Variants in PNLIPRP3 observed in about 807,000 individuals in gnomAD.
The protein encoded by PNLIPRP3 is pancreatic lipase-related protein 3.
PNLIPRP3 carries 58 observed loss-of-function variants against 52.8 expected under a neutral mutation model. The observed-to-expected ratio is 1.10, with a 90% CI of 0.89 to 1.37. PNLIPRP3 has a LOEUF of 1.37. PNLIPRP3 is among the 40% of genes most tolerant of loss of function. PNLIPRP3 has a pLI of 0.00. For missense variants in PNLIPRP3, 593 were observed against 561.6 expected, an observed-to-expected ratio of 1.06 and a Z score of -0.57; for synonymous variants, 192 against 185.0, an observed-to-expected ratio of 1.04 and a Z score of -0.31.
chr10:116,471,969 C>T (rs1846380830), intron 10 of PNLIPRP3, 90 bp downstream of exon 10: 1 of 716,320 alleles, frequency 1.4e-6, no homozygotes, highest in African/African-American at 1.8e-5. Context: ...TTAGTCTTCT[C>T]TTTTCCTACA....
chr10:116,440,003 C>T (rs2133116370), intron 2 of PNLIPRP3: 2 of 774,814 alleles, frequency 2.6e-6, no homozygotes, highest in East Asian at 4.9e-5. Context: ...AAGGCATAAG[C>T]AGACATCTTG....
chr10:116,466,181 T>A lies in PNLIPRP3; in HGVS notation c.927+13T>A. The A allele has an allele frequency of 6.5e-7, 1 of 1,529,478 alleles. No individual in the cohort carries two copies. The highest frequency in any genetic ancestry group is 9.0e-7 in the Non-Finnish European group (1 of 1,109,336). 94.7% of individuals were successfully genotyped at this position (1,529,478 alleles called of 1,614,324 possible). A position where few individuals can be genotyped will look rare whatever the true frequency, so the allele number is the denominator to read the frequency against. On this transcript the variant is annotated intron_variant, in intron 8 of 11. Transcript: ENST00000369230. ...ATCTTTTAAAGCAGTAAGTAAATCA[T>A]CTTACTTGGAATTTAATTATAAAGT...
chr10:116,429,354 C>G (rs542387733), intron 1 of PNLIPRP3, among the ~76,000 whole-genome samples: 1 of 152,160 alleles, frequency 6.6e-6, no homozygotes, highest in South Asian at 2.1e-4. Flanking sequence ...ACTTCTGGTC[C>G]CAAGCGTTTT....
At chr10:116,465,989 A>G in intron 7 of PNLIPRP3, 61 bp from the exon 8 acceptor site, 1 of 1,213,260 alleles carries the variant, frequency 8.2e-7, no homozygotes. Flanking sequence ...TTTCTAAGAT[A>G]TGGTTTATGC....
At chr10:116,476,090 C>G (rs1042234974) in intron 10 of PNLIPRP3, among the ~76,000 whole-genome samples, 6 of 152,040 alleles carry the variant, frequency 3.9e-5, no homozygotes, top group East Asian at 1.9e-4. Flanking sequence ...TGGAACATAC[C>G]TTATGCCTTG....
At chr10:116,440,649 G>A (rs1285580415) in intron 2 of PNLIPRP3, among the ~76,000 whole-genome samples, 1 of 152,132 alleles carries the variant, frequency 6.6e-6, no homozygotes, top group Non-Finnish European at 1.5e-5. Context: ...AATTGTCAAA[G>A]GTAAATGTGG....
At chr10:116,459,546 G>A (rs1846161232) in intron 5 of PNLIPRP3, among the ~76,000 whole-genome samples, 1 of 152,076 alleles carries the variant, frequency 6.6e-6, no homozygotes, top group African/African-American at 2.4e-5. Flanking sequence ...CAAACTCCTT[G>A]ACATGGCTCA....
chr10:116,456,087 C>A (rs189272568), intron 5 of PNLIPRP3, among the ~76,000 whole-genome samples: 1 of 152,218 alleles, frequency 6.6e-6, no homozygotes, highest in East Asian at 1.9e-4. Context: ...ATGGTTGAAG[C>A]AATTATAACA....
At chr10:116,471,030 C>A (rs1846363281) in intron 9 of PNLIPRP3, among the ~76,000 whole-genome samples, 1 of 152,178 alleles carries the variant, frequency 6.6e-6, no homozygotes, top group Non-Finnish European at 1.5e-5. Context: ...AATTCTTTGG[C>A]AATGATTAAC....
rs944319240 is a variant in PNLIPRP3 at position 116,471,858 on chromosome 10, CTG to C, written c.1152_1153del (p.Glu386ValfsTer9). On this transcript the variant is annotated frameshift_variant, in exon 10 of 12. Transcript: ENST00000369230. LOFTEE classifies it high-confidence loss of function. Reference sequence around the variant, plus strand: ...CGTGTAGGCGGGGCAGTTAGGAAAACTGGGGAGTTTGCCATTGTCAGGTAGGC... The same window carrying C: ...CGTGTAGGCGGGGCAGTTAGGAAAACGGGAGTTTGCCATTGTCAGGTAGGC... 3 of 1,596,450 alleles carry C rather than the reference CTG, an allele frequency of 1.9e-6. No individual in the cohort carries two copies. Among genetic ancestry groups the C allele is most frequent in the African/African-American group, 2.7e-5 (2 of 74,246 alleles).
chr10:116,442,818 G>A (rs146000893), intron 2 of PNLIPRP3, among the ~76,000 whole-genome samples: 3 of 152,202 alleles, frequency 2.0e-5, no homozygotes, highest in Non-Finnish European at 4.4e-5. Context: ...GCGTTATGAT[G>A]GAGTCATTGC....
chr10:116,440,116 T>A, intron 2 of PNLIPRP3: 2 of 648,354 alleles, frequency 3.1e-6, no homozygotes, highest in East Asian at 2.5e-5. Flanking sequence ...ATACAAGTAT[T>A]TGGGGGCACC....
At chr10:116,456,620 C>A (rs576559092) in intron 5 of PNLIPRP3, among the ~76,000 whole-genome samples, 1 of 152,142 alleles carries the variant, frequency 6.6e-6, no homozygotes, top group East Asian at 1.9e-4. Context: ...AAATAAGTTG[C>A]GGAGCAAAGT....
intron 8 of PNLIPRP3, among the ~76,000 whole-genome samples, chr10:116,466,602 T>C (rs1846285315): frequency 6.6e-6 from 1 of 152,184 alleles, no homozygotes; most frequent in Admixed American, 6.5e-5. Flanking sequence ...TATTAAAATT[T>C]AATTATTTAT....
At chr10:116,469,063 TA>T in intron 8 of PNLIPRP3, 121 bp from the exon 9 acceptor site, 3 of 1,043,098 alleles carry the variant, frequency 2.9e-6, no homozygotes, top group South Asian at 4.3e-5. Flanking sequence ...TAGGCACTTT[TA>T]AAATGCATAT....
chr10:116,460,983 C>G lies in PNLIPRP3; in HGVS notation c.583C>G (p.Pro195Ala). Residue 195 changes from proline to alanine, a missense_variant, in exon 6 of 12, where the codon CCA becomes GCA. Physicochemically the swap from Pro to Ala is conservative, Grantham distance 27. Coordinates refer to ENST00000369230, the MANE Select transcript of PNLIPRP3 (RefSeq NM_001011709.3). Reference protein sequence around the residue: ...GRITGLDPAGPFFHNTPKEVR... With the variant: ...GRITGLDPAGAFFHNTPKEVR... ...TTCTCTAGGGTTGGACCCAGCTGGG[C>G]CATTTTTCCACAACACTCCAAAGGA... The G allele has an allele frequency of 6.2e-7, 1 of 1,612,200 alleles. No homozygotes were observed. The highest frequency in any genetic ancestry group is 8.5e-7 in the Non-Finnish European group (1 of 1,180,004).
chr10:116,456,579 A>G (rs1304261703), intron 5 of PNLIPRP3, among the ~76,000 whole-genome samples: 1 of 152,252 alleles, frequency 6.6e-6, no homozygotes, highest in Non-Finnish European at 1.5e-5. Flanking sequence ...ACCATTTTTA[A>G]TATTATCCCT....
intron 1 of PNLIPRP3, among the ~76,000 whole-genome samples, chr10:116,432,240 T>C (rs1051202256): frequency 3.9e-5 from 6 of 152,196 alleles, no homozygotes; most frequent in African/African-American, 7.2e-5. Context: ...AGCTTTTCTA[T>C]GTCTTTGGAA....
At chr10:116,440,231 C>T (rs1845838080) in intron 2 of PNLIPRP3, among the ~76,000 whole-genome samples, 1 of 152,184 alleles carries the variant, frequency 6.6e-6, no homozygotes, top group African/African-American at 2.4e-5. Flanking sequence ...TCCTTTTATC[C>T]TTTTATATAA....
Sources: gnomAD v4.1 joint callset for allele counts (sites outside exome capture counted in the v4.1 genomes callset) on GRCh38, gnomAD v4.1.1 for gene constraint, MANE v1.5 for transcripts, NCBI Gene and HGNC (gene_info 2026-07-23, HGNC 2026-07-21) for gene names.